Variants in MMP11 observed in about 807,000 individuals in gnomAD.
The protein encoded by MMP11 is matrix metallopeptidase 11.
A neutral mutation model predicts 49.5 loss-of-function variants in MMP11; 26 were observed. That is an observed-to-expected ratio of 0.52 (90% CI 0.38 to 0.73). The LOEUF is 0.73. Ranked by LOEUF, MMP11 falls within the 30% of genes least tolerant of loss-of-function variation. The pLI, the probability that MMP11 is intolerant of heterozygous loss-of-function variation, is 0.00. For missense variants in MMP11, 624 were observed against 671.2 expected, an observed-to-expected ratio of 0.93 and a Z score of 0.78; for synonymous variants, 265 against 282.3, an observed-to-expected ratio of 0.94 and a Z score of 0.62.
Position 23,783,765 on chromosome 22 carries a change from T to C in MMP11, c.*221T>C. ...CTGTCTCAGACTGGGCAGGGAGGCT[T>C]TGGCATGACTTAAGAGGAAGGGCAG... On this transcript the variant is annotated 3_prime_UTR_variant, in exon 8 of 8. Coordinates refer to ENST00000215743, the MANE Select transcript of MMP11 (RefSeq NM_005940.5). 1 of 613,504 alleles carries C rather than the reference T, an allele frequency of 1.6e-6. No homozygotes were observed. The highest frequency in any genetic ancestry group is 2.0e-5 in the South Asian group (1 of 50,682). 38.0% of individuals were successfully genotyped at this position (613,504 alleles called of 1,614,324 possible).
intron 1 of MMP11, among the ~76,000 whole-genome samples, chr22:23,778,171 G>A (rs944478025): frequency 4.6e-5 from 7 of 152,210 alleles, no homozygotes; most frequent in Non-Finnish European, 4.4e-5. Context: ...GCTTCTGTGC[G>A]GTGTCCAGAG....
rs747692904 is a variant in MMP11, at chr22:23,780,581, G to C, written c.483-1G>C. 6.2e-7 allele frequency: 1 copy of C among 1,606,430 alleles called. No individual in the cohort carries two copies. Among genetic ancestry groups the C allele is most frequent in the Non-Finnish European group, 8.5e-7 (1 of 1,175,598 alleles). ...CTGACCCCGCCCCCACCCATCTGTA[G>C]GTACTGGCATGGGGACGACCTGCCG... On this transcript the variant is annotated splice_acceptor_variant, in intron 3 of 7. Transcript: ENST00000215743. LOFTEE classifies it high-confidence loss of function. The surrounding 1 kb of genome is among the most constrained non-coding windows in gnomAD (Gnocchi z 4.6).
At chr22:23,779,481 C>A in intron 2 of MMP11, 65 bp downstream of exon 2, 1 of 1,366,160 alleles carries the variant, frequency 7.3e-7, no homozygotes. Flanking sequence ...CAGCTGCCCT[C>A]ACAGCTGCTG....
Position 23,783,585 on chromosome 22 carries a change from G to C in MMP11, c.*41G>C. 2.5e-6 allele frequency: 4 copies of C among 1,610,542 alleles called. No individual in the cohort carries two copies. Among genetic ancestry groups the C allele is most frequent in the Non-Finnish European group, 3.4e-6 (4 of 1,177,292 alleles). ...CCTCAGGGGTGCTGACCCCTGCCAG[G>C]CCACGAATATCAGGCTAGAGACCCA... On this transcript the variant is annotated 3_prime_UTR_variant, in exon 8 of 8. Transcript: ENST00000215743.
At chr22:23,782,011 T>G (rs1031437482) in intron 6 of MMP11, 1 of 703,600 alleles carries the variant, frequency 1.4e-6, no homozygotes, top group Non-Finnish European at 2.5e-6. Flanking sequence ...ACCTCACCCG[T>G]GCACTAGTTT....
chr22:23,773,200 G>C (rs1927295875), intron 1 of MMP11, among the ~76,000 whole-genome samples: 2 of 152,322 alleles, frequency 1.3e-5, no homozygotes, highest in Non-Finnish European at 2.9e-5. Context: ...CTGGTGGGAC[G>C]GGACTCCACG....
At chr22:23,781,781 A>T in intron 6 of MMP11, 1 of 593,402 alleles carries the variant, frequency 1.7e-6, no homozygotes, top group African/African-American at 1.8e-5. Context: ...CAGGTCTATC[A>T]TCCTAGAGCT....
At chr22:23,781,540 G>C in intron 6 of MMP11, 131 bp downstream of exon 6, 1 of 850,012 alleles carries the variant, frequency 1.2e-6, no homozygotes, top group Admixed American at 2.5e-5. Flanking sequence ...CCTGGGGGCC[G>C]AGGGAGAGAG....
At chr22:23,773,191 T>G (rs2145935003) in intron 1 of MMP11, among the ~76,000 whole-genome samples, 1 of 152,260 alleles carries the variant, frequency 6.6e-6, no homozygotes, top group East Asian at 1.9e-4. Context: ...TCGTTCGGGC[T>G]GGTGGGACGG....
chr22:23,781,476 G>T, intron 6 of MMP11, 67 bp downstream of exon 6: 1 of 1,418,742 alleles, frequency 7.0e-7, no homozygotes, highest in Non-Finnish European at 9.7e-7. Flanking sequence ...CCAAGGGCAG[G>T]AACAGACAGA....
chr22:23,773,017 G>C, intron 1 of MMP11, 39 bp downstream of exon 1: 1 of 1,158,708 alleles, frequency 8.6e-7, no homozygotes, highest in Non-Finnish European at 1.1e-6. Flanking sequence ...CTCGCTGAGG[G>C]GGCGCCGGGC....
Position 23,783,707 on chromosome 22 carries a change from AGGGC to A in MMP11, c.*164_*167del. On this transcript the variant is annotated 3_prime_UTR_variant, in exon 8 of 8. Transcript: ENST00000215743. ...TACAACCACCATGACAACTGCCGGGAGGGCCACGCAGGTCGTGGTCACCTGCCAG... is the reference window on the plus strand; with the variant it reads ...TACAACCACCATGACAACTGCCGGGACACGCAGGTCGTGGTCACCTGCCAG... 1.1e-6 allele frequency: 1 copy of A among 917,204 alleles called. No homozygotes were observed. 56.8% of individuals were successfully genotyped at this position (917,204 alleles called of 1,614,324 possible). A position where few individuals can be genotyped will look rare whatever the true frequency, so the allele number is the denominator to read the frequency against.
At chr22:23,777,160 C>T (rs531053862) in intron 1 of MMP11, among the ~76,000 whole-genome samples, 318 of 134,840 alleles carry the variant, frequency 2.4e-3, no homozygotes, top group African/African-American at 9.0e-3. Context: ...CGGTGGCTCA[C>T]GCCTGTAATC....
At position 23,780,704 on chromosome 22, in the gene MMP11, G is replaced by C. The variant is rs374560133; in HGVS notation, c.605G>C (p.Gly202Ala). 1 of 1,553,892 alleles carries C rather than the reference G, an allele frequency of 6.4e-7. No individual in the cohort carries two copies. The highest frequency in any genetic ancestry group is 8.7e-7 in the Non-Finnish European group (1 of 1,153,436). ...GACTATGATGAGACCTGGACTATCG[G>C]GGATGACCAGGGTATGGGCTGGGGA... ...HFDYDETWTIGDDQGTDLLQV... is the reference protein window; with the variant it reads ...HFDYDETWTIADDQGTDLLQV... The change falls in exon 4 of 8, where the codon GGG (glycine) becomes GCG (alanine). Residue 202 changes from glycine to alanine, a missense_variant. Transcript: ENST00000215743. This position sits in a 1 kb window ranked among gnomAD's most constrained non-coding sequence, Gnocchi z 4.6.
rs748229073 is a variant in MMP11, at chr22:23,779,421, G to T, written c.338+5G>T. ...GAAGACGGACCTCACCTACAGGTAG[G>T]GGCCTGGGAGCAGGACACTAGGATG... On this transcript the variant is annotated splice_donor_5th_base_variant and intron_variant, in intron 2 of 7. Transcript: ENST00000215743. The T allele has an allele frequency of 2.5e-6, 4 of 1,606,866 alleles. No homozygotes were observed. The Admixed American group carries it at 6.7e-5, about 27-fold the overall frequency.
In MMP11 at chr22:23,772,892, C is replaced by T; in HGVS notation, c.22C>T (p.Arg8Cys). 1 of 1,166,466 alleles carries T rather than the reference C, an allele frequency of 8.6e-7. No individual in the cohort carries two copies. 72.3% of individuals were successfully genotyped at this position (1,166,466 alleles called of 1,614,324 possible). A position where few individuals can be genotyped will look rare whatever the true frequency, so the allele number is the denominator to read the frequency against. The change falls in exon 1 of 8, where the codon CGC (arginine) becomes TGC (cysteine). Residue 8 changes from arginine to cysteine, a missense_variant. Transcript: ENST00000215743. MAPAAWL[R>C]SAAARALLPP... is the part of the protein sequence containing the mutation. ...GCGGATGGCTCCGGCCGCCTGGCTCCGCAGCGCGGCCGCGCGCGCCCTCCT... is the reference window on the plus strand; with the variant it reads ...GCGGATGGCTCCGGCCGCCTGGCTCTGCAGCGCGGCCGCGCGCGCCCTCCT...
At position 23,772,944 on chromosome 22, in the gene MMP11, A is replaced by AGCC. The variant is rs773991209; in HGVS notation, c.83_85dup (p.Pro28dup). The AGCC allele has an allele frequency of 2.9e-4, 347 of 1,216,930 alleles. No homozygotes were observed. Among genetic ancestry groups the AGCC allele is most frequent in the Non-Finnish European group, 3.4e-4 (332 of 974,572 alleles). The allele number at this position is 1,216,930 out of a possible 1,614,324, so 75.4% of individuals were successfully genotyped here. A position where few individuals can be genotyped will look rare whatever the true frequency, so the allele number is the denominator to read the frequency against. Reference sequence around the variant, plus strand: ...CCCCCGATGCTGCTGCTGCTGCTCCAGCCGCCGCCGCTGCTGGCCCGGGCT... The same window carrying AGCC: ...CCCCCGATGCTGCTGCTGCTGCTCCAGCCGCCGCCGCCGCTGCTGGCCCGGGCT... On this transcript the variant is annotated inframe_insertion, in exon 1 of 8. Coordinates refer to ENST00000215743, the MANE Select transcript of MMP11 (RefSeq NM_005940.5).
chr22:23,781,241 AC>A lies in MMP11; in HGVS notation c.909del (p.Ile304SerfsTer80), dbSNP rs755356438. ...ACEASFDAVS[T>X]IRGELFFFKA... is the part of the protein sequence containing the mutation. ...TGAGGCCTCCTTTGACGCGGTCTCC[AC>A]CATCCGAGGCGAGCTCTTTTTCTTC... On this transcript the variant is annotated frameshift_variant, in exon 6 of 8. Coordinates refer to ENST00000215743, the MANE Select transcript of MMP11 (RefSeq NM_005940.5). LOFTEE classifies it high-confidence loss of function. 5 of 1,611,558 alleles carry A rather than the reference AC, an allele frequency of 3.1e-6. No homozygotes were observed. The East Asian group carries it at 1.1e-4, about 36-fold the overall frequency.
intron 1 of MMP11, among the ~76,000 whole-genome samples, chr22:23,775,181 G>A (rs1475101489): frequency 6.6e-6 from 1 of 152,200 alleles, no homozygotes; most frequent in Admixed American, 6.5e-5. Flanking sequence ...ATGAGCCCCA[G>A]GTCTAGGTCC....
Sources: gnomAD v4.1 joint callset for allele counts (sites outside exome capture counted in the v4.1 genomes callset) on GRCh38, gnomAD v4.1.1 for gene constraint, Gnocchi (gnomAD v3.1) non-coding constraint, MANE v1.5 for transcripts, NCBI Gene and HGNC (gene_info 2026-07-23, HGNC 2026-07-21) for gene names.